Variants in ATMIN observed in about 807,000 individuals in gnomAD.
ATMIN encodes the protein ATM INteracting protein.
ATMIN carries 24 observed loss-of-function variants against 49.2 expected under a neutral mutation model. That is an observed-to-expected ratio of 0.49 (90% CI 0.35 to 0.69). The LOEUF is 0.69. Ranked by LOEUF, ATMIN falls within the 30% of genes least tolerant of loss-of-function variation. The pLI is 0.00. For missense variants in ATMIN, 1,037 were observed against 1,005.5 expected, an observed-to-expected ratio of 1.03 and a Z score of -0.42; for synonymous variants, 450 against 392.5, an observed-to-expected ratio of 1.15 and a Z score of -1.73.
At position 81,047,095 on chromosome 16, in the gene ATMIN, A is replaced by G. The variant is rs1406402295; in HGVS notation, c.*2125A>G. 2.0e-5 allele frequency: 3 copies of G among 152,756 alleles called. No individual in the cohort carries two copies. In the East Asian group the frequency reaches 5.8e-4, roughly 29 times the overall value. 9.5% of individuals were successfully genotyped at this position (152,756 alleles called of 1,614,324 possible). ...GCTTAAAAAATTTGTTTCTGTGACA[A>G]TGTTTGTAAATCTAGCCAATAGAGT... On this transcript the variant is annotated 3_prime_UTR_variant, in exon 4 of 4. Coordinates refer to ENST00000299575, the MANE Select transcript of ATMIN (RefSeq NM_015251.3).
At position 81,044,130 on chromosome 16, in the gene ATMIN, T is replaced by G; in HGVS notation, c.1632T>G (p.His544Gln). 6.2e-7 allele frequency: 1 copy of G among 1,614,198 alleles called. No individual in the cohort carries two copies. Among genetic ancestry groups the G allele is most frequent in the Non-Finnish European group, 8.5e-7 (1 of 1,180,024 alleles). ...GTTTAGTAGCAGAGACAGTAACTCA[T>G]AGTTTGTTACCTCAGAATGAGCCTA... is the stretch of plus-strand genomic sequence containing the variant. ...SNSLVAETVT[H>Q]SLLPQNEPKT... The change falls in exon 4 of 4, where the codon CAT becomes CAG. Residue 544 changes from histidine (H) to glutamine (Q), a missense_variant. His to Gln is a conservative substitution (Grantham distance 24, BLOSUM62 0). Transcript: ENST00000299575.
At chr16:81,041,768 G>A in intron 2 of ATMIN, 1 of 279,878 alleles carries the variant, frequency 3.6e-6, no homozygotes, top group Admixed American at 4.8e-5. Context: ...GTGTGAGTCT[G>A]CATACCTCCA....
intron 2 of ATMIN, 70 bp downstream of exon 2, chr16:81,041,551 A>G (rs1391696743): frequency 1.0e-5 from 16 of 1,541,692 alleles, no homozygotes; most frequent in Non-Finnish European, 1.3e-5. Context: ...CTTAGCAGAC[A>G]TAACTACAGA....
At chr16:81,038,734 C>G (rs1417145413) in intron 1 of ATMIN, among the ~76,000 whole-genome samples, 2 of 152,172 alleles carry the variant, frequency 1.3e-5, no homozygotes, top group East Asian at 3.9e-4. Flanking sequence ...GATCCTCCTG[C>G]TTTAGCCTCC....
intron 1 of ATMIN, chr16:81,037,184 T>C (rs914145251): frequency 2.0e-6 from 2 of 985,288 alleles, no homozygotes; most frequent in Non-Finnish European, 2.4e-6. Flanking sequence ...CTTCCACCAC[T>C]CTAGGCCAGC....
intron 1 of ATMIN, among the ~76,000 whole-genome samples, chr16:81,038,272 A>T (rs912371593): frequency 6.6e-6 from 1 of 152,052 alleles, no homozygotes; most frequent in Admixed American, 6.5e-5. Flanking sequence ...CTGGGATTAC[A>T]GGTGCATACC....
chr16:81,040,998 T>G (rs1971027586), intron 1 of ATMIN: 1 of 217,834 alleles, frequency 4.6e-6, no homozygotes, highest in South Asian at 6.4e-5. Context: ...ATTACCGAGC[T>G]TCACTGACGA....
In ATMIN at chr16:81,041,442, C is replaced by A; in HGVS notation, c.423C>A (p.Gly141=). 6.2e-7 allele frequency: 1 copy of A among 1,611,884 alleles called. No homozygotes were observed. Among genetic ancestry groups the A allele is most frequent in the African/African-American group, 1.3e-5 (1 of 74,850 alleles). Residue 141 remains glycine, a synonymous_variant, in exon 2 of 4, where the codon GGC becomes GGA. Coordinates refer to ENST00000299575, the MANE Select transcript of ATMIN (RefSeq NM_015251.3). The part of the protein sequence containing the change: ...YCCPIEGCPR[G]PERPFSQFSL... Reference sequence around the variant, plus strand: ...GTCCAATTGAAGGCTGCCCCAGAGGCCCTGAGAGACCGTTTTCTCAGTTTT... The same window carrying A: ...GTCCAATTGAAGGCTGCCCCAGAGGACCTGAGAGACCGTTTTCTCAGTTTT...
At chr16:81,036,867 GA>G (rs145686173) in intron 1 of ATMIN, among the ~76,000 whole-genome samples, 1 of 152,296 alleles carries the variant, frequency 6.6e-6, no homozygotes, top group Non-Finnish European at 1.5e-5. Flanking sequence ...TGTCGATTAT[GA>G]ATAAAAAAAT....
chr16:81,036,276 C>CTTTCACACACAAG, intron 1 of ATMIN, 70 bp downstream of exon 1: 1 of 1,083,712 alleles, frequency 9.2e-7, no homozygotes, highest in Non-Finnish European at 1.1e-6. Context: ...CGCCGGCGCG[C>CTTTCACACACAAG]GAAGCCGGCC....
intron 3 of ATMIN, 64 bp downstream of exon 3, chr16:81,042,544 C>G (rs1241629553): frequency 1.7e-5 from 25 of 1,511,406 alleles, no homozygotes; most frequent in Non-Finnish European, 2.3e-5. Context: ...GATGAAACAT[C>G]CTGGAGAGCC....
chr16:81,043,419 C>T lies in ATMIN; in HGVS notation c.921C>T (p.Pro307=), dbSNP rs753345210. The T allele has an allele frequency of 1.8e-5, 29 of 1,613,634 alleles. No individual in the cohort carries two copies. The highest frequency in any genetic ancestry group is 1.2e-4 in the Admixed American group (7 of 59,902). Residue 307 remains proline, a synonymous_variant, in exon 4 of 4, where the codon CCC becomes CCT. Coordinates refer to ENST00000299575, the MANE Select transcript of ATMIN (RefSeq NM_015251.3). ...PKPKVALVKL[P]VMQFSVMPVF... Reference sequence around the variant, plus strand: ...CCAAAGTGGCTTTGGTTAAACTACCCGTGATGCAGTTTTCTGTCATGCCTG... The same window carrying T: ...CCAAAGTGGCTTTGGTTAAACTACCTGTGATGCAGTTTTCTGTCATGCCTG...
chr16:81,043,993 G>A lies in ATMIN; in HGVS notation c.1495G>A (p.Glu499Lys), dbSNP rs766927166. ...CAGAGAAACTCAAACCAGTGGGATAGAAAGTCCAACGGATGACCATGTACA... is the reference window on the plus strand; with the variant it reads ...CAGAGAAACTCAAACCAGTGGGATAAAAAGTCCAACGGATGACCATGTACA... ...VSRETQTSGI[E>K]SPTDDHVQMD... is the part of the protein sequence containing the mutation. The change falls in exon 4 of 4, where the codon GAA becomes AAA. Residue 499 changes from glutamate to lysine, a missense_variant. Glu to Lys is a moderately conservative substitution (Grantham distance 56). Coordinates refer to ENST00000299575, the MANE Select transcript of ATMIN (RefSeq NM_015251.3). 1 of 1,614,188 alleles carries A rather than the reference G, an allele frequency of 6.2e-7. No homozygotes were observed. Among genetic ancestry groups the A allele is most frequent in the Middle Eastern group, 1.6e-4 (1 of 6,062 alleles).
rs773797572 is a variant in ATMIN at position 81,041,354 on chromosome 16, A to G, written c.337-2A>G. On this transcript the variant is annotated splice_acceptor_variant, in intron 1 of 3. Transcript: ENST00000299575. LOFTEE classifies it high-confidence loss of function. ...TAATTTAAAGTAATTTTCCTTTTGC[A>G]GGATGGCATAGTCAATCCAACAATA... 3 of 1,596,326 alleles carry G rather than the reference A, an allele frequency of 1.9e-6. No homozygotes were observed. Among genetic ancestry groups the G allele is most frequent in the Admixed American group, 3.7e-5 (2 of 54,084 alleles).
Position 81,045,247 on chromosome 16 carries a change from C to A in ATMIN, c.*277C>A. 1 of 417,012 alleles carries A rather than the reference C, an allele frequency of 2.4e-6. No homozygotes were observed. Among genetic ancestry groups the A allele is most frequent in the Non-Finnish European group, 4.2e-6 (1 of 235,424 alleles). 25.8% of individuals were successfully genotyped at this position (417,012 alleles called of 1,614,324 possible). On this transcript the variant is annotated 3_prime_UTR_variant, in exon 4 of 4. Transcript: ENST00000299575. ...TCATGTTAAAAAAAAAAATGTATTTCATATCTATAAAACCTATATAGCCAT... is the reference window on the plus strand; with the variant it reads ...TCATGTTAAAAAAAAAAATGTATTTAATATCTATAAAACCTATATAGCCAT...
At chr16:81,038,277 CATA>C (rs1970980523) in intron 1 of ATMIN, among the ~76,000 whole-genome samples, 2 of 151,904 alleles carry the variant, frequency 1.3e-5, no homozygotes. Flanking sequence ...ATTACAGGTG[CATA>C]CCACCACGCC....
In ATMIN at chr16:81,044,182, T is replaced by C; in HGVS notation, c.1684T>C (p.Ser562Pro). The stretch of plus-strand genomic sequence containing the variant: ...GACTTTAAATCAAGATATTGAGAAA[T>C]CTGCACCAATTATAAATTTCAGTGC... ...PKTLNQDIEK[S>P]APIINFSAQN... The change falls in exon 4 of 4, where the codon TCT becomes CCT. Residue 562 changes from serine (S) to proline (P), a missense_variant. Ser to Pro is a moderately conservative substitution (Grantham distance 74, BLOSUM62 -1). Coordinates refer to ENST00000299575, the MANE Select transcript of ATMIN (RefSeq NM_015251.3). 6.2e-7 allele frequency: 1 copy of C among 1,614,182 alleles called. No homozygotes were observed. The highest frequency in any genetic ancestry group is 1.3e-5 in the African/African-American group (1 of 75,070).
At position 81,043,734 on chromosome 16, in the gene ATMIN, C is replaced by G. The variant is rs142330665; in HGVS notation, c.1236C>G (p.Asn412Lys). The change falls in exon 4 of 4, where the codon AAC becomes AAG. Residue 412 changes from asparagine to lysine, a missense_variant. Asn to Lys is a moderately conservative substitution (Grantham distance 94). Transcript: ENST00000299575. Reference sequence around the variant, plus strand: ...AAAAGAATAGCATTTCTTCAATCAACGTGCAGACAGATCTGTCTTATGCCT... The same window carrying G: ...AAAAGAATAGCATTTCTTCAATCAAGGTGCAGACAGATCTGTCTTATGCCT... ...TCQKNSISSINVQTDLSYASQ... is the reference protein window; with the variant it reads ...TCQKNSISSIKVQTDLSYASQ... 3 of 1,614,256 alleles carry G rather than the reference C, an allele frequency of 1.9e-6. No individual in the cohort carries two copies. The highest frequency in any genetic ancestry group is 2.5e-6 in the Non-Finnish European group (3 of 1,180,054).
chr16:81,037,514 T>G (rs1970960961), intron 1 of ATMIN: 1 of 985,144 alleles, frequency 1.0e-6, no homozygotes, highest in South Asian at 4.7e-5. Context: ...GCCGAATTGT[T>G]GGACTGAAAA....
Sources: allele counts gnomAD v4.1 joint callset (sites outside exome capture counted in the v4.1 genomes callset), GRCh38; gene constraint gnomAD v4.1.1; transcripts MANE v1.5; gene names NCBI Gene and HGNC (gene_info 2026-07-23, HGNC 2026-07-21).